Variants in BMERB1 observed in about 807,000 individuals in gnomAD.
BMERB1 encodes bMERB domain-containing protein 1.
BMERB1 carries 12 observed loss-of-function variants against 23.6 expected under a neutral mutation model. The ratio of observed to expected loss-of-function variants is 0.51; its 90% confidence interval spans 0.33 to 0.82. The LOEUF (loss-of-function observed/expected upper bound fraction) is 0.82, where lower values mean the gene tolerates loss of function less well. BMERB1 is among the 40% of genes least tolerant of loss of function. BMERB1 has a pLI of 0.03. For synonymous variants in BMERB1, 122 were observed against 96.6 expected, an observed-to-expected ratio of 1.26 and a Z score of -1.54; for missense variants, 247 against 255.4, an observed-to-expected ratio of 0.97 and a Z score of 0.22.
At chr16:15,499,968 G>C (rs117957707) in intron 1 of BMERB1, among the ~76,000 whole-genome samples, 9 of 152,308 alleles carry the variant, frequency 5.9e-5, no homozygotes, top group Non-Finnish European at 1.2e-4. Context: ...AATCAATATA[G>C]TTAATAGCAA....
chr16:15,573,133 C>G (rs1486371512), intron 3 of BMERB1, among the ~76,000 whole-genome samples: 1 of 152,144 alleles, frequency 6.6e-6, no homozygotes, highest in Non-Finnish European at 1.5e-5. Flanking sequence ...CCAGCTGTCT[C>G]CCCAGAGTTT....
chr16:15,562,832 G>T (rs2030461428), intron 2 of BMERB1, among the ~76,000 whole-genome samples: 1 of 152,196 alleles, frequency 6.6e-6, no homozygotes, highest in Non-Finnish European at 1.5e-5. Context: ...GCAAGTCCAC[G>T]CTCATTCGAG....
chr16:15,530,899 C>G (rs1197977383), intron 2 of BMERB1, among the ~76,000 whole-genome samples: 1 of 138,618 alleles, frequency 7.2e-6, no homozygotes, highest in South Asian at 2.2e-4. Context: ...CTCTTTTCTT[C>G]TTTCTTTTTT....
chr16:15,561,236 T>A (rs1429120923), intron 2 of BMERB1, among the ~76,000 whole-genome samples: 2 of 146,694 alleles, frequency 1.4e-5, no homozygotes, highest in East Asian at 4.0e-4. Context: ...GGATTACAGG[T>A]GTGAGCCACC....
intron 1 of BMERB1, among the ~76,000 whole-genome samples, chr16:15,446,631 G>T (rs534032614): frequency 1.3e-5 from 2 of 152,290 alleles, no homozygotes; most frequent in Admixed American, 1.3e-4. Flanking sequence ...GCTGAGATTT[G>T]AACCTAGCAC....
rs1054090259 is a variant in BMERB1, at chr16:15,511,682, T to C, written c.107-3623T>C. On this transcript the variant is annotated intron_variant, in intron 1 of 5. Transcript: ENST00000300006. ...CCTCTCCCCATATAATTGCTTGGCC[T>C]TTTCCATTGCCTTTGTTACTGTTTC... 2.6e-5 allele frequency among the ~76,000 whole-genome samples: 4 copies of C among 152,152 alleles called. No homozygotes were observed. In the East Asian group the frequency reaches 7.7e-4, roughly 29 times the overall value.
intron 2 of BMERB1, among the ~76,000 whole-genome samples, chr16:15,530,903 C>CTTTTTTTTTTTT (rs1220558728): frequency 1.2e-4 from 13 of 109,250 alleles, no homozygotes; most frequent in Admixed American, 2.2e-4. Flanking sequence ...TTTCTTCTTT[C>CTTTTTTTTTTTT]TTTTTTTTTT....
At chr16:15,511,633 G>A (rs2051666579) in intron 1 of BMERB1, among the ~76,000 whole-genome samples, 1 of 152,182 alleles carries the variant, frequency 6.6e-6, no homozygotes. Context: ...TCAATAGGCT[G>A]ATGACTGACA....
intron 1 of BMERB1, among the ~76,000 whole-genome samples, chr16:15,472,399 T>A (rs1252343107): frequency 6.6e-6 from 1 of 152,238 alleles, no homozygotes; most frequent in African/African-American, 2.4e-5. Context: ...CTTTCGGCTT[T>A]ATGAATCTTT....
chr16:15,514,772 G>A (rs1312450642), intron 1 of BMERB1, among the ~76,000 whole-genome samples: 2 of 150,802 alleles, frequency 1.3e-5, no homozygotes, highest in Non-Finnish European at 3.0e-5. Context: ...CAACAGAGCA[G>A]GACTGTGTCT....
At chr16:15,548,060 C>G (rs936019017) in intron 2 of BMERB1, among the ~76,000 whole-genome samples, 1 of 152,186 alleles carries the variant, frequency 6.6e-6, no homozygotes, top group Non-Finnish European at 1.5e-5. Flanking sequence ...TCTTGGTTCA[C>G]TGCAACTTCT....
intron 1 of BMERB1, among the ~76,000 whole-genome samples, chr16:15,492,863 G>A (rs2051434813): frequency 6.6e-6 from 1 of 151,582 alleles, no homozygotes; most frequent in Non-Finnish European, 1.5e-5. Flanking sequence ...AGGTTGCAGT[G>A]AGCTGAGATC....
rs371584403 is a variant in BMERB1 at position 15,548,933 on chromosome 16, A to G, written c.231-19050A>G. ...GCTGAGACAGTGGTCCTAGTGGCCC[A>G]GTCCATGGGCTAAGCAGGAATGGGT... On this transcript the variant is annotated intron_variant, in intron 2 of 5. Transcript: ENST00000300006. Among the ~76,000 whole-genome samples, 10 of 152,292 alleles carry G rather than the reference A, an allele frequency of 6.6e-5. No homozygotes were observed. The East Asian group carries it at 1.4e-3, about 21-fold the overall frequency.
intron 3 of BMERB1, 101 bp from the exon 4 acceptor site, chr16:15,581,116 C>A: frequency 1.3e-6 from 1 of 758,306 alleles, no homozygotes; most frequent in Non-Finnish European, 2.1e-6. Flanking sequence ...GTTGTTTCAC[C>A]ATGTTGACCA....
chr16:15,573,038 A>T (rs1031655482), intron 3 of BMERB1, among the ~76,000 whole-genome samples: 1 of 152,164 alleles, frequency 6.6e-6, no homozygotes. Context: ...TTTTCTTTAT[A>T]AATTACCCAG....
chr16:15,518,727 A>G (rs1051626318), intron 2 of BMERB1, among the ~76,000 whole-genome samples: 1 of 151,664 alleles, frequency 6.6e-6, no homozygotes, highest in African/African-American at 2.4e-5. Flanking sequence ...GCATTAGCTA[A>G]TAAGTAGCCA....
intron 1 of BMERB1, among the ~76,000 whole-genome samples, chr16:15,435,775 T>C (rs189231136): frequency 4.9e-4 from 74 of 152,348 alleles, no homozygotes; most frequent in African/African-American, 1.7e-3. Context: ...GCTTTCTTTC[T>C]CTATACCTGT....
chr16:15,477,223 G>A (rs1185054932), intron 1 of BMERB1, among the ~76,000 whole-genome samples: 2 of 152,090 alleles, frequency 1.3e-5, no homozygotes, highest in Non-Finnish European at 2.9e-5. Flanking sequence ...CTCTTCATAG[G>A]GCGGCAGGAG....
intron 2 of BMERB1, among the ~76,000 whole-genome samples, chr16:15,515,724 G>T (rs2051743119): frequency 1.3e-5 from 2 of 152,156 alleles, no homozygotes; most frequent in Admixed American, 6.5e-5. Flanking sequence ...TGTACCCTGT[G>T]CTGGTGTCTT....
Sources: gnomAD v4.1 joint callset for allele counts (sites outside exome capture counted in the v4.1 genomes callset) on GRCh38, gnomAD v4.1.1 for gene constraint, MANE v1.5 for transcripts, NCBI Gene and HGNC (gene_info 2026-07-23, HGNC 2026-07-21) for gene names.